The following LNX1 variants were observed in gnomAD, a reference collection of about 807,000 sequenced individuals.
The protein encoded by LNX1 is ligand of numb-protein X 1.
In LNX1, 54 loss-of-function variants were observed where a neutral mutation model predicts 68.4. The observed-to-expected ratio is 0.79, with a 90% CI of 0.63 to 0.99. The LOEUF is 0.99. Among genes scored for constraint, LNX1 ranks in the 50% least tolerant of loss-of-function variants. LNX1 has a pLI of 0.00. For missense variants in LNX1, 906 were observed against 926.4 expected (o/e 0.98, Z 0.29); for synonymous variants, 336 against 350.0 (o/e 0.96, Z 0.45).
Position 53,534,421 on chromosome 4 carries a change from G to C in LNX1, c.381-26194C>G, listed in dbSNP as rs569700472. ...TGGAAGGCTGAGGCAGGAGGGTCTC[G>C]AGCCTAGGAGATCCAGAGCAGCCTG... On this transcript the variant is annotated intron_variant, in intron 2 of 10. Coordinates refer to ENST00000263925, the MANE Select transcript of LNX1 (RefSeq NM_001126328.3). Among the ~76,000 whole-genome samples the C allele has an allele frequency of 5.2e-3, 33 of 6,350 alleles. No homozygotes were observed. In the South Asian group the frequency reaches 0.059, roughly 11 times the overall value. The allele number at this position is 6,350 out of a possible 152,430, so 4.2% of individuals were successfully genotyped here.
chr4:53,612,862 T>C (rs1399811647), intron 2 of LNX1, among the ~76,000 whole-genome samples: 1 of 151,690 alleles, frequency 6.6e-6, no homozygotes, highest in Non-Finnish European at 1.5e-5. Context: ...TCCAGCCTGG[T>C]TGACAGAGTG....
intron 7 of LNX1, among the ~76,000 whole-genome samples, chr4:53,479,429 G>A (rs1157335286): frequency 6.6e-6 from 1 of 152,220 alleles, no homozygotes; most frequent in African/African-American, 2.4e-5. Flanking sequence ...GCACTGAGGG[G>A]CTGGATGCAA....
At chr4:53,536,490 C>T (rs1728381944) in intron 2 of LNX1, among the ~76,000 whole-genome samples, 1 of 152,174 alleles carries the variant, frequency 6.6e-6, no homozygotes, top group South Asian at 2.1e-4. Flanking sequence ...CTCTTCCTCC[C>T]CAACCTTTGT....
chr4:53,540,854 G>A (rs946908494), intron 2 of LNX1, among the ~76,000 whole-genome samples: 7 of 151,944 alleles, frequency 4.6e-5, no homozygotes, highest in Non-Finnish European at 1.0e-4. Flanking sequence ...AATGGCAGGA[G>A]AGCTGGGAAT....
At chr4:53,510,054 G>C (rs1044683361) in intron 2 of LNX1, among the ~76,000 whole-genome samples, 4 of 152,322 alleles carry the variant, frequency 2.6e-5, no homozygotes, top group Admixed American at 2.6e-4. Context: ...GTGTTTTCTT[G>C]CAAAGGGACA....
intron 1 of LNX1, among the ~76,000 whole-genome samples, chr4:53,642,803 A>G (rs1325814595): frequency 6.6e-6 from 1 of 152,122 alleles, no homozygotes; most frequent in Non-Finnish European, 1.5e-5. Context: ...TGCCATGACC[A>G]TGAGAGGGGT....
At chr4:53,571,901 T>TC (rs1731193076) in intron 2 of LNX1, among the ~76,000 whole-genome samples, 1 of 152,080 alleles carries the variant, frequency 6.6e-6, no homozygotes, top group Non-Finnish European at 1.5e-5. Flanking sequence ...GCTCAAGTGA[T>TC]CCTCCTGCCT....
At chr4:53,517,356 T>C (rs1726862883) in intron 2 of LNX1, among the ~76,000 whole-genome samples, 1 of 152,200 alleles carries the variant, frequency 6.6e-6, no homozygotes, top group Admixed American at 6.5e-5. Context: ...ATCTTTATTG[T>C]GTGAGATAAA....
Position 53,508,004 on chromosome 4 carries a change from G to T in LNX1, c.604C>A (p.Arg202=), listed in dbSNP as rs1212886763. The T allele has an allele frequency of 3.1e-6, 5 of 1,613,972 alleles. No individual in the cohort carries two copies. In the South Asian group the frequency reaches 3.3e-5, roughly 11 times the overall value. Residue 202 remains arginine (R), a synonymous_variant, in exon 3 of 11, where the codon CGG becomes AGG. Transcript: ENST00000263925. ...GACTCACCCCTAGTTCGGTTGCTCC[G>T]GCCAGAGTCCACTGGGCTGATTGCT... ...QPAISPVDSG[R]SNRTRARPFE...
rs576652221 is a variant in LNX1, at chr4:53,481,850, C to G, written c.1355G>C (p.Ser452Thr). The change falls in exon 7 of 11, where the codon AGT (serine) becomes ACT (threonine). Residue 452 changes from serine to threonine, a missense_variant. By Grantham distance (58) the Ser-to-Thr change is moderately conservative (BLOSUM62 1). Transcript: ENST00000263925. ...CACGACGAGGTGAACACGTCTTTCA[C>G]TGGCCTGGGCAAGAAGACACAGGCA... ...PESAAHLIQA[S>T]ERRVHLVVSR... The G allele has an allele frequency of 4.8e-5, 76 of 1,594,786 alleles. 2 individuals are homozygous for G. The South Asian group carries it at 8.5e-4, about 18-fold the overall frequency.
chr4:53,509,648 A>G (rs1205185087), intron 2 of LNX1, among the ~76,000 whole-genome samples: 1 of 152,168 alleles, frequency 6.6e-6, no homozygotes, highest in African/African-American at 2.4e-5. Flanking sequence ...TAGAATGCAA[A>G]TTCATTAAAG....
intron 2 of LNX1, among the ~76,000 whole-genome samples, chr4:53,556,122 C>A (rs1729893795): frequency 6.6e-6 from 1 of 152,036 alleles, no homozygotes; most frequent in Non-Finnish European, 1.5e-5. Flanking sequence ...CATGGAGTAT[C>A]CAAGTAGGCC....
At chr4:53,495,862 G>A (rs552246253) in intron 6 of LNX1, among the ~76,000 whole-genome samples, 161 bp downstream of exon 6, 2 of 152,232 alleles carry the variant, frequency 1.3e-5, no homozygotes, top group East Asian at 3.9e-4. Flanking sequence ...TTCTTACCTG[G>A]GCAGAAGCTT....
chr4:53,599,907 A>T (rs1471220256), intron 2 of LNX1, among the ~76,000 whole-genome samples: 1 of 152,206 alleles, frequency 6.6e-6, no homozygotes, highest in Non-Finnish European at 1.5e-5. Flanking sequence ...GCCCACAGTC[A>T]GGGCTGGCTG....
rs1346573857 is a variant in LNX1, at chr4:53,483,654, G to T, written c.1351-1800C>A. Among the ~76,000 whole-genome samples the T allele has an allele frequency of 3.3e-5, 5 of 152,176 alleles. No homozygotes were observed. In the East Asian group the frequency reaches 9.6e-4, roughly 29 times the overall value. ...AGACAGACCTGGTTTAGGGACAAGGGAGATGGAAGAGAGAGGAGTAAGGTT... is the reference window on the plus strand; with the variant it reads ...AGACAGACCTGGTTTAGGGACAAGGTAGATGGAAGAGAGAGGAGTAAGGTT... On this transcript the variant is annotated intron_variant, in intron 6 of 10. Transcript: ENST00000263925.
chr4:53,489,942 C>T (rs1560623508), intron 6 of LNX1, among the ~76,000 whole-genome samples: 1 of 151,992 alleles, frequency 6.6e-6, no homozygotes, highest in Non-Finnish European at 1.5e-5. Flanking sequence ...GCAATTCTTA[C>T]TGGCTCCGGG....
chr4:53,633,769 C>T (rs2859819), intron 1 of LNX1, among the ~76,000 whole-genome samples: 1 of 152,210 alleles, frequency 6.6e-6, no homozygotes, highest in South Asian at 2.1e-4. Flanking sequence ...CAGAAGAGAG[C>T]TGATTGCCAC....
intron 4 of LNX1, among the ~76,000 whole-genome samples, chr4:53,504,172 C>T (rs536667623): frequency 2.0e-5 from 3 of 152,232 alleles, no homozygotes; most frequent in African/African-American, 7.2e-5. Flanking sequence ...GTGGAGCCAC[C>T]TTCAATGATT....
At chr4:53,638,021 G>A (rs764306292) in intron 1 of LNX1, among the ~76,000 whole-genome samples, 1 of 152,194 alleles carries the variant, frequency 6.6e-6, no homozygotes, top group Non-Finnish European at 1.5e-5. Flanking sequence ...TGGCAGCCAC[G>A]ATGGTGGCAT....
Sources: gnomAD v4.1 joint callset for allele counts (sites outside exome capture counted in the v4.1 genomes callset) on GRCh38, gnomAD v4.1.1 for gene constraint, MANE v1.5 for transcripts, NCBI Gene and HGNC (gene_info 2026-07-23, HGNC 2026-07-21) for gene names.